Variants in FAM178B observed in about 807,000 individuals in gnomAD.
The protein encoded by FAM178B is family with sequence similarity 178 member B, also known as protein FAM178B.
Under a neutral mutation model 91.7 loss-of-function variants are expected in FAM178B, and 82 were observed. The ratio of observed to expected loss-of-function variants is 0.89; its 90% confidence interval spans 0.75 to 1.07. The LOEUF (loss-of-function observed/expected upper bound fraction) is 1.07. FAM178B is among the 50% of genes least tolerant of loss of function. FAM178B has a pLI of 0.00. For synonymous variants in FAM178B, 368 were observed against 359.4 expected, an observed-to-expected ratio of 1.02 and a Z score of -0.27; for missense variants, 769 against 846.7, an observed-to-expected ratio of 0.91 and a Z score of 1.14.
intron 1 of FAM178B, among the ~76,000 whole-genome samples, chr2:96,979,064 C>A (rs1225326572): frequency 6.7e-6 from 1 of 148,240 alleles, no homozygotes; most frequent in Non-Finnish European, 1.5e-5. Context: ...GCAACCTCCA[C>A]CTCCCAGGTT....
chr2:96,975,666 A>G (rs1436911729), intron 1 of FAM178B, among the ~76,000 whole-genome samples: 2 of 152,246 alleles, frequency 1.3e-5, no homozygotes, highest in East Asian at 1.9e-4. Flanking sequence ...AATTTCTTCT[A>G]TCAAGCTGTA....
intron 7 of FAM178B, among the ~76,000 whole-genome samples, chr2:96,950,262 C>T (rs1268360464): frequency 2.0e-5 from 3 of 152,186 alleles, no homozygotes; most frequent in East Asian, 1.9e-4. Context: ...GCACCGCCAG[C>T]GTGGGGAATA....
intron 1 of FAM178B, among the ~76,000 whole-genome samples, chr2:96,984,509 A>G (rs2082399838): frequency 6.6e-6 from 1 of 152,116 alleles, no homozygotes; most frequent in Non-Finnish European, 1.5e-5. Flanking sequence ...CCTGGGGCTC[A>G]CTGGCCCAAT....
At chr2:96,981,299 G>A (rs574014678) in intron 1 of FAM178B, among the ~76,000 whole-genome samples, 1 of 152,234 alleles carries the variant, frequency 6.6e-6, no homozygotes, top group East Asian at 1.9e-4. Flanking sequence ...TGGGTAATAC[G>A]TTGACTTCGT....
intron 8 of FAM178B, among the ~76,000 whole-genome samples, chr2:96,929,539 G>T (rs1303838538): frequency 6.6e-6 from 1 of 152,244 alleles, no homozygotes; most frequent in Non-Finnish European, 1.5e-5. Flanking sequence ...TCTCTTACCT[G>T]GTCTTCAAGG....
chr2:96,929,411 C>A (rs2081503521), intron 8 of FAM178B, 91 bp from the exon 9 acceptor site: 1 of 880,830 alleles, frequency 1.1e-6, no homozygotes, highest in Middle Eastern at 2.4e-4. Context: ...TGACCCCTGG[C>A]CCAAGATAAC....
intron 6 of FAM178B, among the ~76,000 whole-genome samples, chr2:96,953,894 G>A (rs1160198176): frequency 6.6e-6 from 1 of 152,226 alleles, no homozygotes; most frequent in Non-Finnish European, 1.5e-5. Flanking sequence ...TCTGGGGAAA[G>A]GAGGAGGATC....
chr2:96,884,409 G>A (rs1377421650), intron 14 of FAM178B, among the ~76,000 whole-genome samples: 1 of 152,212 alleles, frequency 6.6e-6, no homozygotes, highest in African/African-American at 2.4e-5. Context: ...GAAGGATAGG[G>A]CGAGGCTGAG....
intron 6 of FAM178B, 32 bp downstream of exon 6, chr2:96,960,256 G>A (rs1001306888): frequency 1.1e-5 from 17 of 1,549,876 alleles, no homozygotes; most frequent in African/African-American, 6.8e-5. Context: ...GACAGGCTGC[G>A]CCACCCCCTC....
chr2:96,960,508 G>C, intron 5 of FAM178B, 68 bp from the exon 6 acceptor site: 1 of 1,471,108 alleles, frequency 6.8e-7, no homozygotes, highest in Non-Finnish European at 9.1e-7. Context: ...ATGGCCATTA[G>C]CCCAGGGAAG....
intron 8 of FAM178B, among the ~76,000 whole-genome samples, chr2:96,946,320 A>G (rs550038068): frequency 6.6e-6 from 1 of 152,284 alleles, no homozygotes; most frequent in African/African-American, 2.4e-5. Flanking sequence ...ACGGGTGGAC[A>G]CTTGGGTTGC....
chr2:96,924,312 C>G (rs1574256162), intron 9 of FAM178B, among the ~76,000 whole-genome samples: 1 of 152,216 alleles, frequency 6.6e-6, no homozygotes, highest in Non-Finnish European at 1.5e-5. Flanking sequence ...GGCTGGCTCA[C>G]AAGCCAGCAA....
intron 14 of FAM178B, among the ~76,000 whole-genome samples, chr2:96,891,941 TCA>T (rs1266736638): frequency 2.0e-5 from 3 of 152,204 alleles, no homozygotes; most frequent in African/African-American, 7.2e-5. Context: ...TACTCTGGCC[TCA>T]GTTTCCCCAT....
At chr2:96,963,907 C>G (rs2082112697) in intron 5 of FAM178B, among the ~76,000 whole-genome samples, 1 of 152,248 alleles carries the variant, frequency 6.6e-6, no homozygotes. Context: ...CACGGTGGCT[C>G]ACGCCTGTAA....
intron 12 of FAM178B, among the ~76,000 whole-genome samples, chr2:96,912,404 G>A (rs1434815052): frequency 1.3e-5 from 2 of 152,058 alleles, no homozygotes; most frequent in African/African-American, 4.8e-5. Flanking sequence ...CTGTGTCACA[G>A]TAAGGGCTAG....
At chr2:96,902,390 C>T (rs992424558) in intron 13 of FAM178B, among the ~76,000 whole-genome samples, 4 of 152,264 alleles carry the variant, frequency 2.6e-5, no homozygotes, top group African/African-American at 9.6e-5. Context: ...AGGCGTGAGC[C>T]ACCGTGCCCA....
chr2:96,970,868 ATT>A (rs968702322), intron 3 of FAM178B, 91 bp from the exon 4 acceptor site: 1 of 932,236 alleles, frequency 1.1e-6, no homozygotes, highest in Non-Finnish European at 1.7e-6. Flanking sequence ...CCCTTTATTT[ATT>A]TTGTTTGCTT....
intron 7 of FAM178B, chr2:96,950,198 C>T (rs2081901582): frequency 8.1e-6 from 8 of 983,004 alleles, no homozygotes; most frequent in Admixed American, 6.2e-5. Context: ...GTCCTTTGTG[C>T]CTCCCAATGC....
At chr2:96,892,722 G>T (rs1263206122) in intron 14 of FAM178B, among the ~76,000 whole-genome samples, 1 of 151,954 alleles carries the variant, frequency 6.6e-6, no homozygotes, top group Non-Finnish European at 1.5e-5. Context: ...GACCAGACGT[G>T]ACACTCTTTC....
Sources: gnomAD v4.1 joint callset for allele counts (sites outside exome capture counted in the v4.1 genomes callset) on GRCh38, gnomAD v4.1.1 for gene constraint, MANE v1.5 for transcripts, NCBI Gene and HGNC (gene_info 2026-07-23, HGNC 2026-07-21) for gene names.